The following DDAH1 variants were observed in gnomAD, a reference collection of about 807,000 sequenced individuals.
DDAH1 encodes the protein dimethylarginine dimethylaminohydrolase 1, also known as N(G),N(G)-dimethylarginine dimethylaminohydrolase 1.
A neutral mutation model predicts 28.8 loss-of-function variants in DDAH1; 19 were observed. That is an observed-to-expected ratio of 0.66 (90% CI 0.46 to 0.97). The LOEUF (loss-of-function observed/expected upper bound fraction) is 0.97, where lower values mean the gene tolerates loss of function less well. Ranked by LOEUF, DDAH1 falls within the 50% of genes least tolerant of loss-of-function variation. The probability of loss-of-function intolerance (pLI) is 0.00; values close to 1 mark genes in which losing one functional copy is unlikely to be tolerated. For missense variants in DDAH1, 326 were observed against 375.9 expected, an observed-to-expected ratio of 0.87 and a Z score of 1.10; for synonymous variants, 153 against 154.4, an observed-to-expected ratio of 0.99 and a Z score of 0.07.
intron 1 of DDAH1, among the ~76,000 whole-genome samples, chr1:85,419,713 C>T (rs1380173262): frequency 6.6e-6 from 1 of 152,010 alleles, no homozygotes; most frequent in African/African-American, 2.4e-5. Flanking sequence ...GCATTTGTTA[C>T]CATATATTGG....
rs1557582204 is a variant in DDAH1 at position 85,400,185 on chromosome 1, T to TTTTTC, written c.304-41339_304-41338insGAAAA. On this transcript the variant is annotated intron_variant, in intron 1 of 5. Transcript: ENST00000284031. The stretch of plus-strand genomic sequence containing the variant: ...TTCCTTTCTTTTCTTTTCTTTTTTT[T>TTTTTC]TTTTTTTTTTTTTTTTTTTTTTTGA... Among the ~76,000 whole-genome samples the TTTTTC allele has an allele frequency of 8.6e-5, 4 of 46,692 alleles. No individual in the cohort carries two copies. In the East Asian group the frequency reaches 1.4e-3, roughly 16 times the overall value. 30.6% of individuals were successfully genotyped at this position (46,692 alleles called of 152,430 possible).
intron 1 of DDAH1, among the ~76,000 whole-genome samples, chr1:85,400,193 T>TC (rs1652014617): frequency 1.9e-5 from 2 of 107,962 alleles, no homozygotes; most frequent in Non-Finnish European, 3.8e-5. Flanking sequence ...TTTTTTTTTT[T>TC]TTTTTTTTTT....
At chr1:85,425,322 A>AT (rs1055885558) in intron 1 of DDAH1, among the ~76,000 whole-genome samples, 3 of 150,408 alleles carry the variant, frequency 2.0e-5, no homozygotes, top group East Asian at 2.1e-4. Flanking sequence ...TTCTTCAAAT[A>AT]TTTTTTTTTA....
At chr1:85,346,960 TG>T (rs1648886639) in intron 4 of DDAH1, among the ~76,000 whole-genome samples, 1 of 152,022 alleles carries the variant, frequency 6.6e-6, no homozygotes, top group Admixed American at 6.6e-5. Flanking sequence ...GCAAAGGATA[TG>T]AACAGACACT....
intron 1 of DDAH1, among the ~76,000 whole-genome samples, chr1:85,534,728 T>C (rs1658214471): frequency 6.6e-6 from 1 of 152,082 alleles, no homozygotes; most frequent in Non-Finnish European, 1.5e-5. Flanking sequence ...ATTAAAATCC[T>C]GTTGACTCAG....
At chr1:85,531,994 G>C (rs1296999315) in intron 1 of DDAH1, among the ~76,000 whole-genome samples, 1 of 152,064 alleles carries the variant, frequency 6.6e-6, no homozygotes, top group East Asian at 1.9e-4. Context: ...TATTTGACTA[G>C]GTAATCATTA....
At chr1:85,331,892 T>C (rs951307164) in intron 4 of DDAH1, among the ~76,000 whole-genome samples, 3 of 152,074 alleles carry the variant, frequency 2.0e-5, no homozygotes, top group Non-Finnish European at 2.9e-5. Context: ...ACACCTGAGA[T>C]ACTGAAGGAG....
At chr1:85,500,107 T>C (rs1327134421) in intron 1 of DDAH1, among the ~76,000 whole-genome samples, 1 of 110,248 alleles carries the variant, frequency 9.1e-6, no homozygotes, top group Non-Finnish European at 1.8e-5. Context: ...CCTTCCTCTT[T>C]CTTTTCTTTT....
At chr1:85,505,623 A>G (rs1035604958) in intron 1 of DDAH1, among the ~76,000 whole-genome samples, 4 of 152,196 alleles carry the variant, frequency 2.6e-5, no homozygotes, top group African/African-American at 9.7e-5. Flanking sequence ...CTTGTGGTTT[A>G]CTGAACCTGT....
At chr1:85,406,075 G>C (rs1361789806) in intron 1 of DDAH1, among the ~76,000 whole-genome samples, 2 of 152,128 alleles carry the variant, frequency 1.3e-5, no homozygotes, top group Non-Finnish European at 2.9e-5. Flanking sequence ...ACCCATGGTG[G>C]TGTGCATTAT....
At chr1:85,421,831 C>A (rs1653154022) in intron 1 of DDAH1, among the ~76,000 whole-genome samples, 1 of 152,150 alleles carries the variant, frequency 6.6e-6, no homozygotes, top group Admixed American at 6.5e-5. Flanking sequence ...TTTATCCATT[C>A]ACATATAGAA....
intron 1 of DDAH1, among the ~76,000 whole-genome samples, chr1:85,441,571 G>GA (rs1477453814): frequency 6.6e-6 from 1 of 152,038 alleles, no homozygotes; most frequent in Non-Finnish European, 1.5e-5. Flanking sequence ...TTCAGGGATA[G>GA]AAAGTGGCAG....
intron 1 of DDAH1, among the ~76,000 whole-genome samples, chr1:85,496,541 G>T (rs1278374016): frequency 6.6e-6 from 1 of 152,186 alleles, no homozygotes; most frequent in African/African-American, 2.4e-5. Flanking sequence ...TGTACATAGA[G>T]TCGGTATTTT....
At chr1:85,329,000 C>T (rs1647593425) in intron 4 of DDAH1, among the ~76,000 whole-genome samples, 2 of 152,196 alleles carry the variant, frequency 1.3e-5, no homozygotes, top group Admixed American at 1.3e-4. Flanking sequence ...CTCTTAGTAC[C>T]AGATGAATTG....
At chr1:85,338,245 A>G (rs1270737007) in intron 4 of DDAH1, among the ~76,000 whole-genome samples, 2 of 152,194 alleles carry the variant, frequency 1.3e-5, no homozygotes, top group Non-Finnish European at 1.5e-5. Flanking sequence ...TACATATGTT[A>G]TCAACAGAGA....
intron 2 of DDAH1, among the ~76,000 whole-genome samples, chr1:85,492,472 T>C (rs564271278): frequency 4.6e-5 from 7 of 152,336 alleles, no homozygotes; most frequent in Admixed American, 3.9e-4. Context: ...GTTCCATTTC[T>C]GAAATCTCAG....
intron 1 of DDAH1, among the ~76,000 whole-genome samples, chr1:85,570,465 G>C (rs1231021891): frequency 6.6e-6 from 1 of 151,458 alleles, no homozygotes; most frequent in Non-Finnish European, 1.5e-5. Flanking sequence ...AGTCTTCCAG[G>C]TTACAGCATA....
At chr1:85,432,501 C>T (rs1226610372) in intron 1 of DDAH1, among the ~76,000 whole-genome samples, 4 of 152,108 alleles carry the variant, frequency 2.6e-5, no homozygotes, top group South Asian at 2.1e-4. Flanking sequence ...CAGTAGATTC[C>T]ACCTTTCCTG....
intron 1 of DDAH1, among the ~76,000 whole-genome samples, chr1:85,448,739 C>T (rs758760444): frequency 3.1e-4 from 47 of 152,210 alleles, no homozygotes; most frequent in East Asian, 5.8e-4. Context: ...AAAAACCCCA[C>T]GAAACACAGG....
Sources: allele counts gnomAD v4.1 joint callset (sites outside exome capture counted in the v4.1 genomes callset), GRCh38; gene constraint gnomAD v4.1.1; transcripts MANE v1.5; gene names NCBI Gene and HGNC (gene_info 2026-07-23, HGNC 2026-07-21).